The following LRRC37A2 variants were observed in gnomAD, a reference collection of about 807,000 sequenced individuals.
LRRC37A2 encodes the protein leucine-rich repeat-containing protein 37A2.
A neutral mutation model predicts 68.8 loss-of-function variants in LRRC37A2; 9 were observed. The observed-to-expected ratio is 0.13, with a 90% CI of 0.08 to 0.23. LRRC37A2 has a LOEUF of 0.23. Ranked by LOEUF, LRRC37A2 falls within the 10% of genes least tolerant of loss-of-function variation. The pLI is 1.00. For synonymous variants in LRRC37A2, 63 were observed against 367.6 expected, an observed-to-expected ratio of 0.17 and a Z score of 9.48; for missense variants, 168 against 950.4, an observed-to-expected ratio of 0.18 and a Z score of 10.82.
the LRRC37A2 span, among the ~76,000 whole-genome samples, chr17:46,709,967 T>TG: frequency 2.0e-4 from 30 of 152,130 alleles, no homozygotes; most frequent in African/African-American, 7.2e-4. Flanking sequence ...GTCTGAAAAA[T>TG]TATTTTGTGG....
chr17:46,791,929 A>C, the LRRC37A2 span, among the ~76,000 whole-genome samples: 1 of 152,152 alleles, frequency 6.6e-6, no homozygotes, highest in Non-Finnish European at 1.5e-5. Flanking sequence ...AGTCCCAGCT[A>C]CTGGGGAGAC....
the LRRC37A2 span, among the ~76,000 whole-genome samples, chr17:46,832,302 G>A: frequency 6.6e-6 from 1 of 152,012 alleles, no homozygotes; most frequent in Non-Finnish European, 1.5e-5. Flanking sequence ...TGAGCTGCCC[G>A]GAGGGAACTA....
the LRRC37A2 span, among the ~76,000 whole-genome samples, chr17:47,040,064 C>T: frequency 6.6e-6 from 1 of 151,796 alleles, no homozygotes; most frequent in Non-Finnish European, 1.5e-5. Flanking sequence ...TGAGACATTG[C>T]TTTCATACTT....
the LRRC37A2 span, among the ~76,000 whole-genome samples, chr17:46,901,839 C>T: frequency 2.1e-5 from 3 of 140,786 alleles, no homozygotes; most frequent in African/African-American, 5.8e-5. Context: ...CAGAGTCTCA[C>T]TCTGTCACCC....
chr17:46,535,281 A>G (rs946222209), intron 6 of LRRC37A2, among the ~76,000 whole-genome samples: 10 of 145,612 alleles, frequency 6.9e-5, no homozygotes, highest in Non-Finnish European at 1.2e-4. Flanking sequence ...TGCTGCTTTC[A>G]AGATATTCTG....
the LRRC37A2 span, among the ~76,000 whole-genome samples, chr17:46,814,446 G>T: frequency 2.0e-5 from 3 of 152,316 alleles, no homozygotes; most frequent in African/African-American, 4.8e-5. Context: ...AATGGGGGCG[G>T]GGTGAGCGGG....
At chr17:46,978,870 G>T in the LRRC37A2 span, 3 of 1,567,120 alleles carry the variant, frequency 1.9e-6, no homozygotes, top group African/African-American at 1.4e-5. Context: ...CGTCGCTGGC[G>T]GCCAGCGGTG....
At chr17:46,906,708 C>T in the LRRC37A2 span, among the ~76,000 whole-genome samples, 1 of 152,076 alleles carries the variant, frequency 6.6e-6, no homozygotes. Flanking sequence ...ATTATGCCCA[C>T]TTCATATAGG....
the LRRC37A2 span, among the ~76,000 whole-genome samples, chr17:46,842,663 G>A: frequency 5.3e-5 from 8 of 152,146 alleles, no homozygotes; most frequent in African/African-American, 1.9e-4. Flanking sequence ...ATGAGCCACC[G>A]TACCCTGCTT....
chr17:46,974,987 CTTTTTTTTTTT>C, the LRRC37A2 span, among the ~76,000 whole-genome samples: 68 of 119,046 alleles, frequency 5.7e-4, no homozygotes, highest in Admixed American at 7.1e-4. Flanking sequence ...TTACTATTTT[CTTTTTTTTTTT>C]TTTTTTTTTT....
chr17:46,943,590 G>T, the LRRC37A2 span, among the ~76,000 whole-genome samples: 1 of 152,210 alleles, frequency 6.6e-6, no homozygotes, highest in Non-Finnish European at 1.5e-5. Flanking sequence ...CACCGCAGGG[G>T]CCTTTGTGCA....
At chr17:46,862,163 C>CAAAAAAA in the LRRC37A2 span, among the ~76,000 whole-genome samples, 2 of 80,284 alleles carry the variant, frequency 2.5e-5, no homozygotes, top group Admixed American at 1.3e-4. Flanking sequence ...AACTCCGTCT[C>CAAAAAAA]AAAAAAAAAA....
the LRRC37A2 span, among the ~76,000 whole-genome samples, chr17:46,497,590 GTA>G: frequency 2.0e-5 from 3 of 149,868 alleles, no homozygotes; most frequent in South Asian, 2.1e-4. Flanking sequence ...CCTTATAATT[GTA>G]TATATGTGTG....
At chr17:46,535,198 G>C (rs1367962583) in intron 6 of LRRC37A2, among the ~76,000 whole-genome samples, 1 of 149,490 alleles carries the variant, frequency 6.7e-6, no homozygotes, top group Non-Finnish European at 1.5e-5. Flanking sequence ...TCCAGCACCT[G>C]CATTGTTTTT....
chr17:46,493,310 C>T, the LRRC37A2 span, among the ~76,000 whole-genome samples: 1 of 125,050 alleles, frequency 8.0e-6, no homozygotes, highest in African/African-American at 3.2e-5. Context: ...CAAGTGCGCA[C>T]CACCACACCT....
chr17:47,017,344 C>G, the LRRC37A2 span: 1 of 1,595,606 alleles, frequency 6.3e-7, no homozygotes, highest in South Asian at 1.1e-5. Flanking sequence ...CAGCTGACCT[C>G]TAACCCCCTG....
At chr17:47,001,717 C>CTTTTTTTTT in the LRRC37A2 span, among the ~76,000 whole-genome samples, 28 of 108,618 alleles carry the variant, frequency 2.6e-4, no homozygotes, top group Non-Finnish European at 4.7e-4. Flanking sequence ...CTCTTTTTTC[C>CTTTTTTTTT]TTTTTTTTTT....
At chr17:46,717,690 C>T in the LRRC37A2 span, among the ~76,000 whole-genome samples, 4 of 152,058 alleles carry the variant, frequency 2.6e-5, no homozygotes, top group Non-Finnish European at 4.4e-5. Flanking sequence ...CCAGCCTGGG[C>T]GACAGAGCAA....
At chr17:46,818,492 G>C in the LRRC37A2 span, 1 of 1,588,084 alleles carries the variant, frequency 6.3e-7, no homozygotes, top group African/African-American at 1.3e-5. Context: ...AAACCGGGCC[G>C]CGGGCAGACA....
Sources: allele counts gnomAD v4.1 joint callset (sites outside exome capture counted in the v4.1 genomes callset), GRCh38; gene constraint gnomAD v4.1.1; transcripts MANE v1.5; gene names NCBI Gene and HGNC (gene_info 2026-07-23, HGNC 2026-07-21).